Variants in MYH10 observed in about 807,000 individuals in gnomAD.
MYH10 encodes myosin-10.
MYH10 carries 55 observed loss-of-function variants against 257.8 expected under a neutral mutation model. That is an observed-to-expected ratio of 0.21 (90% CI 0.17 to 0.27). The LOEUF (loss-of-function observed/expected upper bound fraction) is 0.27. Among genes scored for constraint, MYH10 ranks in the 10% least tolerant of loss-of-function variants. The pLI is 1.00. For synonymous variants in MYH10, 854 were observed against 921.7 expected (o/e 0.93, Z 1.33); for missense variants, 1,631 against 2,500.6 (o/e 0.65, Z 7.42).
chr17:8,587,117 G>C (rs564152116), intron 4 of MYH10, among the ~76,000 whole-genome samples: 22 of 152,232 alleles, frequency 1.4e-4, no homozygotes, highest in African/African-American at 4.8e-4. Context: ...CAGAGAAAGA[G>C]ACACCAAGTG....
chr17:8,538,540 T>A (rs1229619177), intron 14 of MYH10, among the ~76,000 whole-genome samples: 1 of 152,210 alleles, frequency 6.6e-6, no homozygotes, highest in Non-Finnish European at 1.5e-5. Flanking sequence ...GATATTTCTA[T>A]GAATAAGTAG....
At chr17:8,605,235 A>C (rs2084752271) in intron 2 of MYH10, among the ~76,000 whole-genome samples, 1 of 152,204 alleles carries the variant, frequency 6.6e-6, no homozygotes, top group Non-Finnish European at 1.5e-5. Flanking sequence ...AAGTAGAAAT[A>C]ATGCGAGCTT....
At chr17:8,557,200 TTGA>T (rs2151974105) in intron 7 of MYH10, among the ~76,000 whole-genome samples, 1 of 152,304 alleles carries the variant, frequency 6.6e-6, no homozygotes, top group African/African-American at 2.4e-5. Context: ...ACCTCAATAG[TTGA>T]TTTTAAAAAA....
rs1430514405 is a variant in MYH10 at position 8,493,894 on chromosome 17, T to A, written c.4057-9A>T. ...TCCTCCTGAAGAAGCTCCTGTGTTTTTTTTTTAAAGGGCAACACTTCCATT... is the reference window on the plus strand; with the variant it reads ...TCCTCCTGAAGAAGCTCCTGTGTTTATTTTTTAAAGGGCAACACTTCCATT... On this transcript the variant is annotated splice_polypyrimidine_tract_variant and intron_variant, in intron 31 of 42. Transcript: ENST00000360416. The A allele has an allele frequency of 1.9e-6, 3 of 1,591,288 alleles. No individual in the cohort carries two copies. Among genetic ancestry groups the A allele is most frequent in the Non-Finnish European group, 2.6e-6 (3 of 1,173,498 alleles).
At chr17:8,615,030 A>C (rs1261680762) in intron 2 of MYH10, among the ~76,000 whole-genome samples, 1 of 152,250 alleles carries the variant, frequency 6.6e-6, no homozygotes, top group African/African-American at 2.4e-5. Context: ...GCAGTGGCTC[A>C]TGCCTGTAAT....
At chr17:8,498,602 C>A (rs972808594) in intron 30 of MYH10, among the ~76,000 whole-genome samples, 21 of 152,012 alleles carry the variant, frequency 1.4e-4, no homozygotes, top group African/African-American at 4.8e-4. Context: ...AATCCCAGCA[C>A]TTTGGGAGGC....
intron 6 of MYH10, among the ~76,000 whole-genome samples, chr17:8,572,114 G>A (rs1288880892): frequency 6.6e-6 from 1 of 152,104 alleles, no homozygotes; most frequent in Non-Finnish European, 1.5e-5. Flanking sequence ...TCTTTAAAGA[G>A]TTTTCCTAAC....
rs551420886 is a variant in MYH10 at position 8,573,958 on chromosome 17, T to C, written c.663+2685A>G. 10 of 263,066 alleles carry C rather than the reference T, an allele frequency of 3.8e-5. No homozygotes were observed. In the Middle Eastern group the frequency reaches 6.0e-3, roughly 157 times the overall value. The allele number at this position is 263,066 out of a possible 1,614,324, so 16.3% of individuals were successfully genotyped here. A position where few individuals can be genotyped will look rare whatever the true frequency, so the allele number is the denominator to read the frequency against. Reference sequence around the variant, plus strand: ...AACTCTCACATGTTCCTGGTGGCAATGTCAAATGGTGCAGTCTCTTTAAAA... The same window carrying C: ...AACTCTCACATGTTCCTGGTGGCAACGTCAAATGGTGCAGTCTCTTTAAAA... On this transcript the variant is annotated intron_variant, in intron 6 of 42. Transcript: ENST00000360416.
intron 3 of MYH10, among the ~76,000 whole-genome samples, chr17:8,601,504 C>A (rs558132760): frequency 6.6e-6 from 1 of 152,158 alleles, no homozygotes; most frequent in Non-Finnish European, 1.5e-5. Context: ...TTCAGGTGAC[C>A]TTTTTCAAAA....
At chr17:8,560,084 T>C (rs2082936244) in intron 7 of MYH10, among the ~76,000 whole-genome samples, 1 of 152,240 alleles carries the variant, frequency 6.6e-6, no homozygotes, top group Admixed American at 6.5e-5. Context: ...AAAAATTCTT[T>C]ATATCCAGTA....
chr17:8,541,296 G>A lies in MYH10; in HGVS notation c.1605+811C>T, dbSNP rs182632819. 2.4e-3 allele frequency among the ~76,000 whole-genome samples: 366 copies of A among 152,302 alleles called. 4 individuals are homozygous for A. Among genetic ancestry groups the A allele is most frequent in the African/African-American group, 8.3e-3 (343 of 41,558 alleles). On this transcript the variant is annotated intron_variant, in intron 14 of 42. Coordinates refer to ENST00000360416, the MANE Select transcript of MYH10 (RefSeq NM_001256012.3). ...TGCACCTCCTAGGAGAAAACTCTGC[G>A]TTATTCAAACATACCTACTTAACTA...
At chr17:8,511,052 A>G (rs1158517710) in intron 24 of MYH10, 1 of 114,888 alleles carries the variant, frequency 8.7e-6, no homozygotes, top group African/African-American at 4.2e-5. Context: ...ATATATATAT[A>G]TATATATACA....
chr17:8,549,363 G>C (rs150866094), intron 9 of MYH10, among the ~76,000 whole-genome samples: 8 of 152,174 alleles, frequency 5.3e-5, no homozygotes, highest in Admixed American at 3.9e-4. Context: ...GTGATGTGGC[G>C]CAGCAGACTA....
At chr17:8,534,272 C>T (rs771433287) in intron 16 of MYH10, among the ~76,000 whole-genome samples, 60 of 152,214 alleles carry the variant, frequency 3.9e-4, no homozygotes, top group Non-Finnish European at 7.9e-4. Context: ...TTAAAGGCTT[C>T]TGTTTTACTT....
intron 40 of MYH10, among the ~76,000 whole-genome samples, chr17:8,478,881 A>G (rs1261599820): frequency 6.6e-6 from 1 of 152,152 alleles, no homozygotes; most frequent in South Asian, 2.1e-4. Context: ...CAAGGCATGC[A>G]CCACCACGCT....
chr17:8,506,613 A>C lies in MYH10; in HGVS notation c.3215-124T>G. The C allele has an allele frequency of 1.0e-6, 1 of 994,094 alleles. No individual in the cohort carries two copies. Among genetic ancestry groups the C allele is most frequent in the East Asian group, 2.5e-5 (1 of 39,440 alleles). 61.6% of individuals were successfully genotyped at this position (994,094 alleles called of 1,614,324 possible). On this transcript the variant is annotated intron_variant, in intron 26 of 42. Coordinates refer to ENST00000360416, the MANE Select transcript of MYH10 (RefSeq NM_001256012.3). The surrounding 1 kb of genome is among the most constrained non-coding windows in gnomAD (Gnocchi z 5.0). Reference sequence around the variant, plus strand: ...TATTCAAAAGCATGTCACTGCCCTGATGACATGGTCATGCGCTGATGTCAA... The same window carrying C: ...TATTCAAAAGCATGTCACTGCCCTGCTGACATGGTCATGCGCTGATGTCAA...
At chr17:8,579,156 G>A (rs2083607178) in intron 4 of MYH10, among the ~76,000 whole-genome samples, 1 of 152,130 alleles carries the variant, frequency 6.6e-6, no homozygotes, top group Admixed American at 6.5e-5. Flanking sequence ...ACTCCCACCT[G>A]TAGTCCCAGC....
chr17:8,553,210 T>C (rs2082695607), intron 8 of MYH10, among the ~76,000 whole-genome samples: 1 of 152,184 alleles, frequency 6.6e-6, no homozygotes. Context: ...TCTCCTGTCA[T>C]TTTCAAGTAT....
At chr17:8,508,418 A>G (rs2081145767) in intron 26 of MYH10, 136 bp downstream of exon 26, 1 of 1,280,172 alleles carries the variant, frequency 7.8e-7, no homozygotes, top group Non-Finnish European at 1.1e-6. Context: ...ACCTATTTTA[A>G]TAAGTCAACC....
Sources: allele counts gnomAD v4.1 joint callset (sites outside exome capture counted in the v4.1 genomes callset), GRCh38; gene constraint gnomAD v4.1.1; non-coding constraint Gnocchi (gnomAD v3.1); transcripts MANE v1.5; gene names NCBI Gene and HGNC (gene_info 2026-07-23, HGNC 2026-07-21).